The following FOXP2 variants were observed in gnomAD, a reference collection of about 807,000 sequenced individuals.
FOXP2 encodes the protein forkhead box P2, also known as forkhead box protein P2.
In FOXP2, 12 loss-of-function variants were observed where a neutral mutation model predicts 115.8. The ratio of observed to expected loss-of-function variants is 0.10; its 90% CI spans 0.07 to 0.17. The LOEUF is 0.17. FOXP2 is among the 10% of genes least tolerant of loss of function. The pLI, the probability that FOXP2 is intolerant of heterozygous loss-of-function variation, is 1.00. For missense variants in FOXP2, 629 were observed against 843.5 expected (o/e 0.75, Z 3.15); for synonymous variants, 328 against 297.7 (o/e 1.10, Z -1.05).
At chr7:114,392,000 A>T (rs555242278) in intron 2 of FOXP2, among the ~76,000 whole-genome samples, 5 of 152,298 alleles carry the variant, frequency 3.3e-5, no homozygotes, top group South Asian at 2.1e-4. Context: ...TATCTTATTT[A>T]TGTCAAGGGG....
At chr7:114,256,048 C>T (rs958690788) in intron 1 of FOXP2, among the ~76,000 whole-genome samples, 2 of 152,162 alleles carry the variant, frequency 1.3e-5, no homozygotes, top group African/African-American at 4.8e-5. Context: ...ACCTCAACAG[C>T]AGGCTCTTGT....
At chr7:114,245,952 A>G (rs1433512534) in intron 1 of FOXP2, among the ~76,000 whole-genome samples, 1 of 152,172 alleles carries the variant, frequency 6.6e-6, no homozygotes, top group African/African-American at 2.4e-5. Context: ...AATATGAGCT[A>G]TATAGAAATA....
chr7:114,419,210 T>G (rs1192977906), intron 1 of FOXP2, among the ~76,000 whole-genome samples: 2 of 152,076 alleles, frequency 1.3e-5, no homozygotes, highest in East Asian at 3.9e-4. Flanking sequence ...ATTAAATATA[T>G]ACTTTATGAC....
rs143840670 is a variant in FOXP2, at chr7:114,418,155, G to T, written c.-11+2795G>T. On this transcript the variant is annotated intron_variant, in intron 1 of 16. Coordinates refer to ENST00000350908, the MANE Select transcript of FOXP2 (RefSeq NM_014491.4). Reference sequence around the variant, plus strand: ...GACTTGGGTAATTTTCTTCTGGAAAGATTATTTTTCTTCTGACCAATTTCT... The same window carrying T: ...GACTTGGGTAATTTTCTTCTGGAAATATTATTTTTCTTCTGACCAATTTCT... 9.6e-4 allele frequency among the ~76,000 whole-genome samples: 146 copies of T among 152,050 alleles called. 2 individuals carry two copies. In the South Asian group the frequency reaches 0.012, roughly 12 times the overall value.
At chr7:114,562,134 T>G (rs987749182) in intron 3 of FOXP2, among the ~76,000 whole-genome samples, 1 of 152,160 alleles carries the variant, frequency 6.6e-6, no homozygotes, top group Admixed American at 6.5e-5. Context: ...CCTTAAACAC[T>G]TTCACTATTC....
At chr7:114,483,139 G>A (rs1389359641) in intron 2 of FOXP2, among the ~76,000 whole-genome samples, 1 of 151,306 alleles carries the variant, frequency 6.6e-6, no homozygotes, top group Non-Finnish European at 1.5e-5. Context: ...AGTCAGTGAG[G>A]TTCGTTGAAG....
intron 2 of FOXP2, among the ~76,000 whole-genome samples, chr7:114,442,758 A>G (rs1794664845): frequency 6.6e-6 from 1 of 152,174 alleles, no homozygotes; most frequent in Non-Finnish European, 1.5e-5. Context: ...AGCCATGTCC[A>G]GCCAAAGCGG....
At position 114,658,075 on chromosome 7, in the gene FOXP2, G is replaced by T. The variant is rs761262072; in HGVS notation, c.1276G>T (p.Val426Leu). 3.4e-5 allele frequency: 55 copies of T among 1,613,478 alleles called. No individual in the cohort carries two copies. The highest frequency in any genetic ancestry group is 4.3e-5 in the Non-Finnish European group (51 of 1,179,756). The stretch of plus-strand genomic sequence containing the variant: ...TCTTGGGCCTTTGCAGCTAAATCTG[G>T]TGTCTAGTGTCACCATGTCGAAGAA... ...PKPSPKPLNL[V>L]SSVTMSKNML... Residue 426 changes from valine (V) to leucine (L), a missense_variant, in exon 11 of 17, where the codon GTG becomes TTG. This residue lies in a region of FOXP2 where 101 missense variants were observed against 116.0 expected (regional missense o/e 0.87). Coordinates refer to ENST00000350908, the MANE Select transcript of FOXP2 (RefSeq NM_014491.4).
At chr7:114,453,837 C>G (rs1477267078) in intron 2 of FOXP2, among the ~76,000 whole-genome samples, 2 of 151,960 alleles carry the variant, frequency 1.3e-5, no homozygotes, top group African/African-American at 4.8e-5. Context: ...GAAACTGGAT[C>G]CCTTCCTTAC....
intron 5 of FOXP2, chr7:114,630,706 A>G (rs186495627): frequency 2.3e-4 from 36 of 153,564 alleles, no homozygotes; most frequent in African/African-American, 8.2e-4. Flanking sequence ...TGGATTTGTG[A>G]ATAGAATTTC....
chr7:114,544,998 C>T lies in FOXP2; in HGVS notation c.258+10292C>T, dbSNP rs766899727. Among the ~76,000 whole-genome samples, 2 of 152,060 alleles carry T rather than the reference C, an allele frequency of 1.3e-5. 1 individual carries two copies. The highest frequency in any genetic ancestry group is 4.1e-4 in the South Asian group (2 of 4,826). On this transcript the variant is annotated intron_variant, in intron 3 of 16. Transcript: ENST00000350908. ...ATAAAAATGGAGATCTTGGGTCTAT[C>T]CCAGACTACTGAATTAAAATTGAGG...
chr7:114,319,705 A>C (rs1797369383), intron 2 of FOXP2, among the ~76,000 whole-genome samples: 1 of 152,192 alleles, frequency 6.6e-6, no homozygotes, highest in Non-Finnish European at 1.5e-5. Flanking sequence ...TGGGAACTAC[A>C]CGATGAGATT....
chr7:114,614,947 G>A (rs975364347), intron 3 of FOXP2, among the ~76,000 whole-genome samples: 1 of 152,016 alleles, frequency 6.6e-6, no homozygotes, highest in East Asian at 1.9e-4. Flanking sequence ...TTGGCTGGGC[G>A]CAGTGGCTCA....
At chr7:114,483,718 C>G (rs1006923502) in intron 2 of FOXP2, among the ~76,000 whole-genome samples, 1 of 151,692 alleles carries the variant, frequency 6.6e-6, no homozygotes, top group African/African-American at 2.4e-5. Flanking sequence ...AAGTCTTTGA[C>G]ATCAAAGACT....
At chr7:114,448,664 AG>A (rs1307651373) in intron 2 of FOXP2, among the ~76,000 whole-genome samples, 1 of 152,128 alleles carries the variant, frequency 6.6e-6, no homozygotes, top group Non-Finnish European at 1.5e-5. Context: ...TTTCTAGATA[AG>A]AAATGGCCAT....
intron 3 of FOXP2, chr7:114,561,282 G>A (rs761044944): frequency 3.0e-4 from 45 of 152,114 alleles, no homozygotes; most frequent in Non-Finnish European, 5.4e-4. Flanking sequence ...CTAGACTGCA[G>A]CCTTGTTTTA....
chr7:114,275,396 A>G (rs956757329), intron 1 of FOXP2, among the ~76,000 whole-genome samples: 1 of 152,058 alleles, frequency 6.6e-6, no homozygotes, highest in African/African-American at 2.4e-5. Flanking sequence ...GTTTACTGAG[A>G]TATCCTCAAG....
chr7:114,585,684 A>G (rs7810470), intron 3 of FOXP2, among the ~76,000 whole-genome samples: 4,315 of 152,002 alleles, frequency 0.028, 199 homozygotes, highest in African/African-American at 0.096. Flanking sequence ...GGCCAACATG[A>G]TGAAACCCCG....
intron 2 of FOXP2, among the ~76,000 whole-genome samples, chr7:114,346,336 G>A (rs1791347357): frequency 6.6e-6 from 1 of 151,758 alleles, no homozygotes; most frequent in Non-Finnish European, 1.5e-5. Context: ...CCATGATATA[G>A]AATCAACCTA....
Sources: gnomAD v4.1 joint callset for allele counts (sites outside exome capture counted in the v4.1 genomes callset) on GRCh38, gnomAD v4.1.1 for gene constraint, gnomAD v4.1.1 regional missense constraint, MANE v1.5 for transcripts, NCBI Gene and HGNC (gene_info 2026-07-23, HGNC 2026-07-21) for gene names.